The following CSAD variants were observed in gnomAD, a reference collection of about 807,000 sequenced individuals.
The protein encoded by CSAD is cysteine sulfinic acid decarboxylase, also known as P-selectin cytoplasmic tail-associated protein.
A neutral mutation model predicts 61.5 loss-of-function variants in CSAD; 47 were observed. The ratio of observed to expected loss-of-function variants is 0.76; its 90% CI spans 0.60 to 0.97. The LOEUF is 0.97. CSAD is among the 50% of genes least tolerant of loss of function. CSAD has a pLI of 0.00. For missense variants in CSAD, 611 were observed against 643.6 expected (o/e 0.95, Z 0.55); for synonymous variants, 245 against 252.7 (o/e 0.97, Z 0.29).
intron 10 of CSAD, chr12:53,164,499 C>G (rs1194932020): frequency 6.3e-6 from 1 of 159,792 alleles, no homozygotes; most frequent in African/African-American, 2.4e-5. Context: ...CCAAATACCA[C>G]ATGTTCTCAT....
chr12:53,180,059 C>T, intron 1 of CSAD: 3 of 1,406,634 alleles, frequency 2.1e-6, no homozygotes, highest in South Asian at 3.1e-5. Flanking sequence ...AGGCTGGCCT[C>T]GGGATTCGCA....
intron 2 of CSAD, among the ~76,000 whole-genome samples, chr12:53,174,458 T>G (rs1179867893): frequency 1.3e-5 from 2 of 152,160 alleles, no homozygotes; most frequent in African/African-American, 4.8e-5. Context: ...ATACAATCAT[T>G]TCACATTGCT....
intron 2 of CSAD, among the ~76,000 whole-genome samples, chr12:53,174,451 C>T (rs1160822351): frequency 6.6e-6 from 1 of 151,994 alleles, no homozygotes; most frequent in African/African-American, 2.4e-5. Flanking sequence ...TAACTTTATA[C>T]AATCATTTCA....
chr12:53,173,169 C>T (rs1465357152), intron 4 of CSAD, 176 bp downstream of exon 4: 4 of 612,570 alleles, frequency 6.5e-6, no homozygotes, highest in Non-Finnish European at 1.1e-5. Flanking sequence ...GATTGTGCCA[C>T]TGCACTCCAG....
chr12:53,163,061 CA>C (rs139430790), intron 10 of CSAD, among the ~76,000 whole-genome samples: 4,233 of 112,324 alleles, frequency 0.038, 163 homozygotes, highest in African/African-American at 0.12. Flanking sequence ...AACTCTGTCT[CA>C]AAAAAAAAAA....
chr12:53,162,006 T>C (rs1422734059), intron 10 of CSAD, among the ~76,000 whole-genome samples: 1 of 151,876 alleles, frequency 6.6e-6, no homozygotes, highest in Non-Finnish European at 1.5e-5. Flanking sequence ...ACACCTGTAA[T>C]CCCAGCACTT....
intron 2 of CSAD, among the ~76,000 whole-genome samples, chr12:53,177,259 T>G (rs528824178): frequency 1.1e-4 from 16 of 152,182 alleles, no homozygotes; most frequent in Non-Finnish European, 1.8e-4. Context: ...AATCTTAGTT[T>G]TAATAGTAAA....
rs1466398309 is a variant in CSAD at position 53,160,213 on chromosome 12, C to T, written c.1073G>A (p.Arg358His). The change falls in exon 14 of 17, where the codon CGC (arginine) becomes CAC (histidine). Residue 358 changes from arginine (R) to histidine (H), a missense_variant. By Grantham distance (29) the Arg-to-His change is conservative. Coordinates refer to ENST00000444623, the MANE Select transcript of CSAD (RefSeq NM_001244705.2). ...CCACAGCTTCAGACAGTCCACACGGCGGCCACACTGCACCACCTTGTCTCC... is the reference window on the plus strand; with the variant it reads ...CCACAGCTTCAGACAGTCCACACGGTGGCCACACTGCACCACCTTGTCTCC... Reference protein sequence around the residue: ...DTGDKVVQCGRRVDCLKLWLM... With the variant: ...DTGDKVVQCGHRVDCLKLWLM... The T allele has an allele frequency of 4.3e-6, 7 of 1,614,082 alleles. No individual in the cohort carries two copies. The highest frequency in any genetic ancestry group is 1.1e-5 in the South Asian group (1 of 91,096).
In CSAD at chr12:53,166,936, C is replaced by T. The variant is rs192603464; in HGVS notation, c.702+3136G>A. Among the ~76,000 whole-genome samples, 22 of 152,166 alleles carry T rather than the reference C, an allele frequency of 1.4e-4. No individual in the cohort carries two copies. In the South Asian group the frequency reaches 4.6e-3, roughly 32 times the overall value. Reference sequence around the variant, plus strand: ...GATGGTAAATTTTATGTTACACACACAAAAAAACAAGTAGAACTGGCAGCA... The same window carrying T: ...GATGGTAAATTTTATGTTACACACATAAAAAAACAAGTAGAACTGGCAGCA... On this transcript the variant is annotated intron_variant, in intron 10 of 16. Coordinates refer to ENST00000444623, the MANE Select transcript of CSAD (RefSeq NM_001244705.2).
upstream of CSAD, chr12:53,181,036 C>G (rs1382539925): frequency 1.6e-5 from 14 of 883,834 alleles, no homozygotes; most frequent in African/African-American, 7.5e-5. Context: ...CCGCCGCGTC[C>G]CCGGCCCGGG....
chr12:53,169,456 G>A (rs1940295928), intron 10 of CSAD, among the ~76,000 whole-genome samples: 1 of 148,894 alleles, frequency 6.7e-6, no homozygotes, highest in Non-Finnish European at 1.5e-5. Flanking sequence ...TCCTGCCTGG[G>A]CAACAGGAGT....
chr12:53,173,899 C>CAA, intron 2 of CSAD, 129 bp from the exon 3 acceptor site: 4 of 859,756 alleles, frequency 4.7e-6, no homozygotes, highest in Admixed American at 2.7e-5. Flanking sequence ...TTTCATCACC[C>CAA]AAAAAAAAAC....
chr12:53,179,828 T>C (rs368431003), intron 1 of CSAD: 8 of 1,613,772 alleles, frequency 5.0e-6, no homozygotes, highest in South Asian at 2.2e-5. Context: ...TCAAGCGCAT[T>C]TGCAGTCCAT....
At chr12:53,168,417 A>G (rs1461370348) in intron 10 of CSAD, among the ~76,000 whole-genome samples, 1 of 152,170 alleles carries the variant, frequency 6.6e-6, no homozygotes, top group East Asian at 1.9e-4. Flanking sequence ...ATTACCAAAA[A>G]AGTTTCTATA....
At chr12:53,172,711 C>T (rs1940730879) in intron 4 of CSAD, 63 bp from the exon 5 acceptor site, 1 of 1,527,796 alleles carries the variant, frequency 6.5e-7, no homozygotes, top group Non-Finnish European at 8.8e-7. Flanking sequence ...TCAAACCACA[C>T]CTCCACAGAC....
At chr12:53,179,989 G>A in intron 1 of CSAD, 3 of 1,492,718 alleles carry the variant, frequency 2.0e-6, no homozygotes, top group South Asian at 2.7e-5. Context: ...CACGTGTGGA[G>A]GCTAGTGTTT....
intron 10 of CSAD, 113 bp downstream of exon 10, chr12:53,169,959 G>A: frequency 1.1e-6 from 1 of 907,214 alleles, no homozygotes; most frequent in Non-Finnish European, 1.8e-6. Context: ...CAGCCCACAG[G>A]GGAGATGGGC....
At chr12:53,163,903 T>C (rs141168757) in intron 10 of CSAD, among the ~76,000 whole-genome samples, 2 of 152,218 alleles carry the variant, frequency 1.3e-5, no homozygotes, top group Admixed American at 6.5e-5. Context: ...GTCTACAGGA[T>C]AGACATGTAG....
At chr12:53,169,964 A>T in intron 10 of CSAD, 108 bp downstream of exon 10, 1 of 935,130 alleles carries the variant, frequency 1.1e-6, no homozygotes, top group Non-Finnish European at 1.7e-6. Context: ...CACAGGGGAG[A>T]TGGGCATGGA....
Sources: allele counts gnomAD v4.1 joint callset (sites outside exome capture counted in the v4.1 genomes callset), GRCh38; gene constraint gnomAD v4.1.1; transcripts MANE v1.5; gene names NCBI Gene and HGNC (gene_info 2026-07-23, HGNC 2026-07-21).